The following DMD variants were observed in gnomAD, a reference collection of about 807,000 sequenced individuals.
The protein encoded by DMD is dystrophin.
In DMD, 63 loss-of-function variants were observed where a neutral mutation model predicts 330.1. That is an observed-to-expected ratio of 0.19 (90% confidence interval 0.16 to 0.24). The LOEUF (loss-of-function observed/expected upper bound fraction) is 0.24. Ranked by LOEUF, DMD falls within the 10% of genes least tolerant of loss-of-function variation. The probability of loss-of-function intolerance (pLI) is 1.00; values close to 1 mark genes in which losing one functional copy is unlikely to be tolerated. For synonymous variants in DMD, 1,223 were observed against 959.8 expected, an observed-to-expected ratio of 1.27 and a Z score of -5.07; for missense variants, 3,344 against 2,684.1, an observed-to-expected ratio of 1.25 and a Z score of -5.43.
At chrX:32,686,127 T>C (rs2062841552) in intron 9 of DMD, among the ~76,000 whole-genome samples, 1 of 111,882 alleles carries the variant, frequency 8.9e-6, no homozygotes, top group Admixed American at 9.5e-5. Context: ...TTATGTTGAT[T>C]AACCAAGCAT....
chrX:31,191,279 T>C (rs1317078421), intron 67 of DMD, among the ~76,000 whole-genome samples: 1 of 112,024 alleles, frequency 8.9e-6, no homozygotes, highest in African/African-American at 3.3e-5. Flanking sequence ...TATGCAAATA[T>C]TAAATACATA....
At chrX:31,768,777 T>A (rs773617247) in intron 51 of DMD, among the ~76,000 whole-genome samples, 5 of 112,197 alleles carry the variant, frequency 4.5e-5, no homozygotes, top group Non-Finnish European at 7.5e-5. Context: ...GATTCACAAT[T>A]CTAGAAATTA....
chrX:31,615,775 A>T (rs766210942), intron 55 of DMD, among the ~76,000 whole-genome samples: 1 of 112,255 alleles, frequency 8.9e-6, no homozygotes, highest in East Asian at 2.8e-4. Flanking sequence ...CTTTCTAAGT[A>T]GTTTCTCACA....
At chrX:32,737,180 A>G (rs377203692) in intron 7 of DMD, among the ~76,000 whole-genome samples, 2 of 110,308 alleles carry the variant, frequency 1.8e-5, no homozygotes, top group African/African-American at 6.6e-5. Context: ...TTTTTTCTTG[A>G]AAACTCAGCC....
At chrX:33,254,529 C>T (rs2052823862) in intron 1 of DMD, among the ~76,000 whole-genome samples, 1 of 110,015 alleles carries the variant, frequency 9.1e-6, no homozygotes. Context: ...ATATAGACTT[C>T]ACAATATAGT....
chrX:32,683,857 G>T (rs2062631989), intron 9 of DMD, among the ~76,000 whole-genome samples: 1 of 109,576 alleles, frequency 9.1e-6, no homozygotes, highest in Non-Finnish European at 1.9e-5. Context: ...GAGACATATT[G>T]CCTCAATATT....
intron 30 of DMD, among the ~76,000 whole-genome samples, chrX:32,392,528 G>A (rs2098011257): frequency 9.0e-6 from 1 of 111,382 alleles, no homozygotes; most frequent in Non-Finnish European, 1.9e-5. Context: ...CCAAAGTGCT[G>A]GGATTACAGG....
intron 53 of DMD, among the ~76,000 whole-genome samples, chrX:31,671,340 T>C (rs1292779234): frequency 1.8e-5 from 2 of 112,801 alleles, no homozygotes; most frequent in African/African-American, 3.2e-5. Flanking sequence ...ATTCTATTGA[T>C]ATGGTATAAT....
intron 62 of DMD, among the ~76,000 whole-genome samples, chrX:31,290,370 G>A (rs2053596062): frequency 9.0e-6 from 1 of 111,400 alleles, no homozygotes; most frequent in Non-Finnish European, 1.9e-5. Flanking sequence ...ATTACCTTAA[G>A]TACATATTGA....
chrX:32,805,617 C>T (rs923659965), intron 7 of DMD, among the ~76,000 whole-genome samples: 1 of 110,804 alleles, frequency 9.0e-6, no homozygotes, highest in East Asian at 2.9e-4. Flanking sequence ...AAAAGAGCAA[C>T]CCCAAGACAC....
intron 1 of DMD, among the ~76,000 whole-genome samples, chrX:33,133,278 C>T (rs903879832): frequency 2.7e-5 from 3 of 111,242 alleles, no homozygotes; most frequent in African/African-American, 9.8e-5. Flanking sequence ...ACGTAGACTT[C>T]GAATGTACAG....
intron 51 of DMD, among the ~76,000 whole-genome samples, chrX:31,738,004 CA>C (rs1259525576): frequency 8.9e-6 from 1 of 111,763 alleles, no homozygotes; most frequent in African/African-American, 3.2e-5. Flanking sequence ...TTTTAAAAAT[CA>C]GTTTGAGGTT....
intron 12 of DMD, among the ~76,000 whole-genome samples, chrX:32,604,143 T>A (rs144089114): frequency 1.8e-5 from 2 of 109,964 alleles, no homozygotes; most frequent in Non-Finnish European, 3.8e-5. Context: ...AAAAAGATAA[T>A]ACATGACAAT....
intron 2 of DMD, among the ~76,000 whole-genome samples, chrX:32,979,786 G>T (rs1418361072): frequency 9.0e-6 from 1 of 111,496 alleles, no homozygotes; most frequent in African/African-American, 3.3e-5. Flanking sequence ...AGCTATTGTG[G>T]GTTTGGGTCC....
chrX:31,742,996 C>A (rs756930908), intron 51 of DMD, among the ~76,000 whole-genome samples: 1 of 111,454 alleles, frequency 9.0e-6, no homozygotes, highest in Non-Finnish European at 1.9e-5. Context: ...AACAATTCAA[C>A]AAGTCAAAAA....
At chrX:32,729,301 T>A (rs963524465) in intron 7 of DMD, among the ~76,000 whole-genome samples, 1 of 112,102 alleles carries the variant, frequency 8.9e-6, no homozygotes, top group East Asian at 2.8e-4. Context: ...GCATTTTGGA[T>A]AAGGGATACT....
chrX:32,878,295 A>G (rs1052352451), intron 2 of DMD, among the ~76,000 whole-genome samples: 35 of 111,110 alleles, frequency 3.2e-4, no homozygotes, highest in African/African-American at 1.1e-3. Flanking sequence ...GGAGAATGGC[A>G]TGAACCTGGG....
chrX:32,936,447 AT>A (rs1040382957), intron 2 of DMD, among the ~76,000 whole-genome samples: 2 of 111,651 alleles, frequency 1.8e-5, no homozygotes, highest in African/African-American at 6.5e-5. Flanking sequence ...AAAGGGGCAT[AT>A]CCTATTACTT....
chrX:33,243,312 ATTTG>A (rs2052617150), intron 1 of DMD, among the ~76,000 whole-genome samples: 1 of 112,051 alleles, frequency 8.9e-6, no homozygotes, highest in African/African-American at 3.2e-5. Context: ...ATTTTACTGA[ATTTG>A]TTTATTATTT....
Sources: allele counts gnomAD v4.1 joint callset (sites outside exome capture counted in the v4.1 genomes callset), GRCh38; gene constraint gnomAD v4.1.1; transcripts MANE v1.5; gene names NCBI Gene and HGNC (gene_info 2026-07-23, HGNC 2026-07-21).